GLIS3: variants seen among roughly 807,000 people sequenced by gnomAD.
The protein encoded by GLIS3 is zinc finger protein GLIS3.
A neutral mutation model predicts 78.6 loss-of-function variants in GLIS3; 53 were observed. That is an observed-to-expected ratio of 0.67 (90% CI 0.54 to 0.85). GLIS3 has a LOEUF of 0.85. Among genes scored for constraint, GLIS3 ranks in the 40% least tolerant of loss-of-function variants. The pLI is 0.00. For synonymous variants in GLIS3, 684 were observed against 509.9 expected (o/e 1.34, Z -4.60); for missense variants, 1,703 against 1,231.1 (o/e 1.38, Z -5.74).
intron 8 of GLIS3, among the ~76,000 whole-genome samples, chr9:3,861,695 A>G (rs1323450135): frequency 2.6e-5 from 4 of 152,214 alleles, no homozygotes; most frequent in Non-Finnish European, 1.5e-5. Context: ...ACATAAAACC[A>G]AACACTGAAT....
chr9:4,182,690 A>G (rs1172866822), intron 2 of GLIS3, among the ~76,000 whole-genome samples: 3 of 152,202 alleles, frequency 2.0e-5, no homozygotes, highest in Non-Finnish European at 2.9e-5. Flanking sequence ...CAATAAAGGA[A>G]TAAAACACAA....
chr9:3,901,221 G>A, intron 6 of GLIS3: 1 of 182,712 alleles, frequency 5.5e-6, no homozygotes, highest in Non-Finnish European at 1.1e-5. Context: ...GCTCGCACCG[G>A]AGTGAATAAA....
rs375183070 is a variant in GLIS3 at position 3,846,250 on chromosome 9, C to T, written c.2473+9759G>A. ...CAATTCCCAAGTAACTAAAAATTTC[C>T]ATAATACTGTATCAGTAGGCACCAC... On this transcript the variant is annotated intron_variant, in intron 9 of 10. Transcript: ENST00000381971. 5.9e-4 allele frequency among the ~76,000 whole-genome samples: 90 copies of T among 152,242 alleles called. 1 individual carries two copies. Among genetic ancestry groups the T allele is most frequent in the African/African-American group, 2.1e-3 (88 of 41,548 alleles).
intron 2 of GLIS3, among the ~76,000 whole-genome samples, chr9:4,142,718 A>G (rs1006161899): frequency 5.3e-5 from 8 of 152,196 alleles, no homozygotes; most frequent in Admixed American, 3.9e-4. Flanking sequence ...AAAATTATGA[A>G]GAGATCTCCA....
intron 4 of GLIS3, among the ~76,000 whole-genome samples, chr9:4,101,287 G>C (rs1036711810): frequency 3.3e-5 from 5 of 152,172 alleles, no homozygotes; most frequent in South Asian, 2.1e-4. Flanking sequence ...GACTTCAATG[G>C]AAGATGTTAC....
At chr9:4,057,573 TG>T (rs758521941) in intron 4 of GLIS3, among the ~76,000 whole-genome samples, 32 of 151,908 alleles carry the variant, frequency 2.1e-4, no homozygotes, top group Non-Finnish European at 3.8e-4. Flanking sequence ...TATTTGTCCT[TG>T]AAAAAAAAGC....
At chr9:3,912,801 T>C (rs1400092083) in intron 6 of GLIS3, among the ~76,000 whole-genome samples, 1 of 152,168 alleles carries the variant, frequency 6.6e-6, no homozygotes, top group Non-Finnish European at 1.5e-5. Context: ...GAAATGTTAA[T>C]ACGGAATTTC....
Position 3,900,610 on chromosome 9 carries a change from C to G in GLIS3, c.1984-1775G>C, listed in dbSNP as rs576739829. Among the ~76,000 whole-genome samples, 8 of 152,088 alleles carry G rather than the reference C, an allele frequency of 5.3e-5. No individual in the cohort carries two copies. In the South Asian group the frequency reaches 1.7e-3, roughly 32 times the overall value. On this transcript the variant is annotated intron_variant, in intron 6 of 10. Coordinates refer to ENST00000381971, the MANE Select transcript of GLIS3 (RefSeq NM_001042413.2). ...ATAGGGCTAATCAATGATTTTACCTCAATTTGATGGACTATTATGCAACCA... is the reference window on the plus strand; with the variant it reads ...ATAGGGCTAATCAATGATTTTACCTGAATTTGATGGACTATTATGCAACCA...
At chr9:4,000,908 CTGA>C (rs1821082764) in intron 4 of GLIS3, among the ~76,000 whole-genome samples, 1 of 152,204 alleles carries the variant, frequency 6.6e-6, no homozygotes, top group Non-Finnish European at 1.5e-5. Context: ...CCTGATTATT[CTGA>C]TGGTCACTCT....
upstream of GLIS3, among the ~76,000 whole-genome samples, chr9:4,349,856 C>T (rs1563941709): frequency 6.6e-6 from 1 of 152,196 alleles, no homozygotes; most frequent in African/African-American, 2.4e-5. Context: ...CTGAATTGGT[C>T]ATTAGCCTTC....
At chr9:4,323,710 G>A (rs1817567692) in intron 2 of GLIS3, among the ~76,000 whole-genome samples, 1 of 152,134 alleles carries the variant, frequency 6.6e-6, no homozygotes, top group African/African-American at 2.4e-5. Context: ...CCTCACATCT[G>A]CATGATTGGG....
At chr9:4,453,162 C>G in the GLIS3 span, among the ~76,000 whole-genome samples, 2 of 152,004 alleles carry the variant, frequency 1.3e-5, no homozygotes, top group Admixed American at 6.6e-5. Context: ...AAAATTCATT[C>G]AAGATGGATT....
chr9:3,906,352 A>G (rs762702240), intron 6 of GLIS3, among the ~76,000 whole-genome samples: 3 of 152,164 alleles, frequency 2.0e-5, no homozygotes, highest in African/African-American at 4.8e-5. Flanking sequence ...TGAGGGAACC[A>G]GAGGGGGTGA....
chr9:3,883,160 A>G (rs977938090), intron 7 of GLIS3, among the ~76,000 whole-genome samples: 10 of 152,342 alleles, frequency 6.6e-5, no homozygotes, highest in Admixed American at 2.0e-4. Flanking sequence ...GTCTCTGCCA[A>G]TGATCCACTG....
At chr9:4,031,638 C>T (rs1588492715) in intron 4 of GLIS3, among the ~76,000 whole-genome samples, 1 of 152,270 alleles carries the variant, frequency 6.6e-6, no homozygotes, top group East Asian at 1.9e-4. Flanking sequence ...TTATGCCATG[C>T]ACATTTCACT....
At chr9:4,308,399 A>AGAAG (rs934951935) in intron 4 of GLIS3, among the ~76,000 whole-genome samples, 1 of 152,102 alleles carries the variant, frequency 6.6e-6, no homozygotes, top group Non-Finnish European at 1.5e-5. Flanking sequence ...AAAGAAGAGG[A>AGAAG]GAAGGAAGGA....
In GLIS3 at chr9:4,195,337, C is replaced by A. The variant is rs532215311; in HGVS notation, c.389-69396G>T. Among the ~76,000 whole-genome samples the A allele has an allele frequency of 2.0e-5, 3 of 152,212 alleles. No homozygotes were observed. The South Asian group carries it at 6.2e-4, about 32-fold the overall frequency. On this transcript the variant is annotated intron_variant, in intron 2 of 10. Coordinates refer to ENST00000381971, the MANE Select transcript of GLIS3 (RefSeq NM_001042413.2). ...GGGAACTGGGGCTGTGCACGGTGCT[C>A]GCAGGCCAGCGCGAGTTCTGGGTGG...
intron 2 of GLIS3, among the ~76,000 whole-genome samples, chr9:4,226,723 C>T (rs1414272950): frequency 6.6e-6 from 1 of 152,214 alleles, no homozygotes; most frequent in Non-Finnish European, 1.5e-5. Flanking sequence ...TTACTTAATT[C>T]TCCTGAATCT....
chr9:4,280,365 A>C (rs1445136423), intron 2 of GLIS3, among the ~76,000 whole-genome samples: 1 of 152,208 alleles, frequency 6.6e-6, no homozygotes, highest in Admixed American at 6.5e-5. Context: ...AATACTTTGT[A>C]TGAAAATTAA....
Sources: allele counts gnomAD v4.1 joint callset (sites outside exome capture counted in the v4.1 genomes callset), GRCh38; gene constraint gnomAD v4.1.1; transcripts MANE v1.5; gene names NCBI Gene and HGNC (gene_info 2026-07-23, HGNC 2026-07-21).